SLC25A21: variants seen among roughly 807,000 people sequenced by gnomAD.
SLC25A21 encodes the protein solute carrier family 25 member 21.
A neutral mutation model predicts 43.8 loss-of-function variants in SLC25A21; 47 were observed. The observed-to-expected ratio is 1.07, with a 90% confidence interval of 0.85 to 1.37. SLC25A21 has a LOEUF of 1.37. SLC25A21 is among the 40% of genes most tolerant of loss of function. The pLI, the probability that SLC25A21 is intolerant of heterozygous loss-of-function variation, is 0.00. For synonymous variants in SLC25A21, 131 were observed against 121.3 expected (o/e 1.08, Z -0.52); for missense variants, 352 against 350.2 (o/e 1.00, Z -0.04).
chr14:36,851,866 A>G (rs746052711), intron 2 of SLC25A21, among the ~76,000 whole-genome samples: 11 of 152,194 alleles, frequency 7.2e-5, no homozygotes, highest in Admixed American at 3.9e-4. Context: ...GCTTGACAGT[A>G]TATGAACACA....
At chr14:36,970,363 G>A (rs965994627) in intron 1 of SLC25A21, among the ~76,000 whole-genome samples, 2 of 152,088 alleles carry the variant, frequency 1.3e-5, no homozygotes, top group Non-Finnish European at 2.9e-5. Flanking sequence ...GAGCCTAAGA[G>A]CAAAATTCAC....
chr14:36,819,382 A>C (rs1888553415), intron 2 of SLC25A21, among the ~76,000 whole-genome samples: 1 of 151,534 alleles, frequency 6.6e-6, no homozygotes, highest in East Asian at 1.9e-4. Context: ...GCACTAATTG[A>C]AGCATTTTTT....
At chr14:36,891,072 G>A (rs575711557) in intron 1 of SLC25A21, among the ~76,000 whole-genome samples, 3 of 152,232 alleles carry the variant, frequency 2.0e-5, no homozygotes, top group Admixed American at 1.3e-4. Context: ...CATATTCCAA[G>A]ACAAGGTTAG....
rs577900721 is a variant in SLC25A21 at position 37,118,532 on chromosome 14, G to C, written c.70+53749C>G. ...TTCTCTATTGCAGTTCCCCTGCCTTGATAAATTGGCTTTATCTGGGCAGTG... is the reference window on the plus strand; with the variant it reads ...TTCTCTATTGCAGTTCCCCTGCCTTCATAAATTGGCTTTATCTGGGCAGTG... On this transcript the variant is annotated intron_variant, in intron 1 of 9. Coordinates refer to ENST00000331299, the MANE Select transcript of SLC25A21 (RefSeq NM_030631.4). Among the ~76,000 whole-genome samples, 169 of 152,308 alleles carry C rather than the reference G, an allele frequency of 1.1e-3. 1 individual carries two copies. The highest frequency in any genetic ancestry group is 8.7e-4 in the Non-Finnish European group (59 of 68,028).
At chr14:37,110,278 T>C (rs1962994578) in intron 1 of SLC25A21, among the ~76,000 whole-genome samples, 1 of 152,178 alleles carries the variant, frequency 6.6e-6, no homozygotes, top group South Asian at 2.1e-4. Context: ...AACTAGTCCC[T>C]TGAGCACTTG....
intron 1 of SLC25A21, among the ~76,000 whole-genome samples, chr14:36,880,880 A>G (rs2138566732): frequency 6.6e-6 from 1 of 152,298 alleles, no homozygotes; most frequent in South Asian, 2.1e-4. Context: ...GATTGTCCAG[A>G]GCTGTGTGCA....
At chr14:37,020,265 A>G (rs1960955720) in intron 1 of SLC25A21, among the ~76,000 whole-genome samples, 1 of 151,932 alleles carries the variant, frequency 6.6e-6, no homozygotes, top group South Asian at 2.1e-4. Context: ...TAAGCTGTAC[A>G]TAGTAAGGTT....
chr14:36,793,470 C>A (rs1029901702), intron 3 of SLC25A21, among the ~76,000 whole-genome samples: 5 of 148,036 alleles, frequency 3.4e-5, no homozygotes, highest in Admixed American at 2.1e-4. Context: ...TTGCAGTCAT[C>A]TGTAAATAGA....
chr14:37,152,597 A>C (rs1000800127), intron 1 of SLC25A21, among the ~76,000 whole-genome samples: 2 of 152,182 alleles, frequency 1.3e-5, no homozygotes, highest in African/African-American at 4.8e-5. Flanking sequence ...TGCAGAGCGC[A>C]GAGAAGTCAG....
chr14:37,012,394 T>C (rs1285979710), intron 1 of SLC25A21, among the ~76,000 whole-genome samples: 1 of 152,170 alleles, frequency 6.6e-6, no homozygotes, highest in Non-Finnish European at 1.5e-5. Flanking sequence ...TAAGAAAAAT[T>C]AACGCTGCAA....
intron 1 of SLC25A21, among the ~76,000 whole-genome samples, chr14:37,002,641 T>G (rs577546031): frequency 3.9e-5 from 6 of 152,162 alleles, no homozygotes; most frequent in African/African-American, 1.4e-4. Flanking sequence ...AAAAGATGAT[T>G]AAAAAACAAG....
At chr14:37,025,576 C>A (rs1961075891) in intron 1 of SLC25A21, among the ~76,000 whole-genome samples, 1 of 152,094 alleles carries the variant, frequency 6.6e-6, no homozygotes, top group Non-Finnish European at 1.5e-5. Flanking sequence ...CAACTTATAT[C>A]AATTTAAATA....
At chr14:36,799,592 G>A (rs848092) in intron 3 of SLC25A21, among the ~76,000 whole-genome samples, 60,928 of 151,982 alleles carry the variant, frequency 0.4, 12,801 homozygotes, top group East Asian at 0.59. Flanking sequence ...TTCTAAAGCT[G>A]TAAAGTAGCC....
At chr14:36,731,011 C>G (rs981739032) in intron 4 of SLC25A21, among the ~76,000 whole-genome samples, 1 of 149,034 alleles carries the variant, frequency 6.7e-6, no homozygotes, top group Non-Finnish European at 1.5e-5. Context: ...CTCGCTCTGT[C>G]GCCCAGGCTG....
At chr14:36,756,449 C>G (rs1885932844) in intron 3 of SLC25A21, among the ~76,000 whole-genome samples, 1 of 152,164 alleles carries the variant, frequency 6.6e-6, no homozygotes, top group Non-Finnish European at 1.5e-5. Flanking sequence ...GATCTGTAAT[C>G]CAGTGAGGAG....
rs569392760 is a variant in SLC25A21, at chr14:37,139,009, A to G, written c.70+33272T>C. Among the ~76,000 whole-genome samples, 7 of 152,248 alleles carry G rather than the reference A, an allele frequency of 4.6e-5. No homozygotes were observed. The South Asian group carries it at 1.2e-3, about 27-fold the overall frequency. ...ATTTGTAAACAGCTGTTTCATAATCAGCTCTTTTGTACTACGTGGAATTCC... is the reference window on the plus strand; with the variant it reads ...ATTTGTAAACAGCTGTTTCATAATCGGCTCTTTTGTACTACGTGGAATTCC... On this transcript the variant is annotated intron_variant, in intron 1 of 9. Transcript: ENST00000331299.
chr14:36,787,742 C>A (rs2138391878), intron 3 of SLC25A21, among the ~76,000 whole-genome samples: 1 of 152,262 alleles, frequency 6.6e-6, no homozygotes, highest in East Asian at 1.9e-4. Context: ...ATTACTTCTT[C>A]CTTTGATACA....
intron 1 of SLC25A21, among the ~76,000 whole-genome samples, chr14:37,019,238 G>T (rs1960931373): frequency 6.6e-6 from 1 of 151,820 alleles, no homozygotes; most frequent in African/African-American, 2.4e-5. Context: ...CTTCTCAGTT[G>T]CTCAGACACA....
intron 3 of SLC25A21, among the ~76,000 whole-genome samples, chr14:36,735,716 T>G (rs1885002661): frequency 6.6e-6 from 1 of 152,054 alleles, no homozygotes; most frequent in Admixed American, 6.6e-5. Flanking sequence ...AGCACTTGCC[T>G]GCTTTACTCA....
Sources: allele counts gnomAD v4.1 joint callset (sites outside exome capture counted in the v4.1 genomes callset), GRCh38; gene constraint gnomAD v4.1.1; transcripts MANE v1.5; gene names NCBI Gene and HGNC (gene_info 2026-07-23, HGNC 2026-07-21).